FANCC: variants seen among roughly 807,000 people sequenced by gnomAD.
The protein encoded by FANCC is FA complementation group C.
In FANCC, 55 loss-of-function variants were observed where a neutral mutation model predicts 71.3. The ratio of observed to expected loss-of-function variants is 0.77; its 90% CI spans 0.62 to 0.97. The LOEUF (loss-of-function observed/expected upper bound fraction) is 0.97, where lower values mean the gene tolerates loss of function less well. Among genes scored for constraint, FANCC ranks in the 50% least tolerant of loss-of-function variants. The pLI is 0.00. For synonymous variants in FANCC, 275 were observed against 244.9 expected (o/e 1.12, Z -1.15); for missense variants, 678 against 670.9 (o/e 1.01, Z -0.12).
intron 1 of FANCC, chr9:95,292,665 A>G: frequency 1.5e-6 from 2 of 1,372,570 alleles, no homozygotes; most frequent in Non-Finnish European, 2.1e-6. Context: ...GAGCCACCGC[A>G]TGCAGTATAG....
intron 6 of FANCC, among the ~76,000 whole-genome samples, chr9:95,163,492 C>T (rs1207182085): frequency 2.0e-5 from 3 of 152,176 alleles, no homozygotes; most frequent in Non-Finnish European, 4.4e-5. Context: ...CCAAACGCCA[C>T]TGACATTTTG....
chr9:95,163,667 C>T (rs368644917), intron 6 of FANCC, among the ~76,000 whole-genome samples: 14 of 152,040 alleles, frequency 9.2e-5, no homozygotes, highest in African/African-American at 2.9e-4. Flanking sequence ...ATGACCAACA[C>T]GGAGAAAGCC....
intron 11 of FANCC, among the ~76,000 whole-genome samples, chr9:95,116,946 G>C: frequency 6.6e-6 from 1 of 152,224 alleles, no homozygotes; most frequent in East Asian, 1.9e-4. Context: ...AGAGTAGAAA[G>C]AATGAAAAGC....
At chr9:95,221,875 C>T (rs1829295684) in intron 4 of FANCC, among the ~76,000 whole-genome samples, 1 of 152,084 alleles carries the variant, frequency 6.6e-6, no homozygotes, top group African/African-American at 2.4e-5. Context: ...TGTTGGTGAA[C>T]ATGTACAGCT....
In FANCC at chr9:95,103,025, A is replaced by T. The variant is rs148857821; in HGVS notation, c.1534-1175T>A. Among the ~76,000 whole-genome samples, 4 of 152,262 alleles carry T rather than the reference A, an allele frequency of 2.6e-5. No individual in the cohort carries two copies. The East Asian group carries it at 7.7e-4, about 29-fold the overall frequency. On this transcript the variant is annotated intron_variant, in intron 14 of 14. Transcript: ENST00000289081. The stretch of plus-strand genomic sequence containing the variant: ...ATCACTTGGTTTTTACTCAGAAATG[A>T]CAGGCACATAGTGCTGATGGCCTTC...
chr9:95,162,476 T>A (rs1427176344), intron 6 of FANCC, among the ~76,000 whole-genome samples: 1 of 152,234 alleles, frequency 6.6e-6, no homozygotes, highest in Non-Finnish European at 1.5e-5. Flanking sequence ...TACACAAATA[T>A]GGGATTGCTG....
At chr9:95,242,989 T>C (rs1186659848) in intron 3 of FANCC, among the ~76,000 whole-genome samples, 1 of 152,076 alleles carries the variant, frequency 6.6e-6, no homozygotes, top group Non-Finnish European at 1.5e-5. Context: ...TAAAACTGAG[T>C]GGAAAGGAAA....
intron 6 of FANCC, among the ~76,000 whole-genome samples, chr9:95,165,032 CATTT>C (rs759167608): frequency 6.6e-6 from 1 of 150,934 alleles, no homozygotes; most frequent in South Asian, 2.1e-4. Context: ...TATTTTTAGA[CATTT>C]ATTTATTCTA....
At chr9:95,303,740 C>CT (rs1194457314) in intron 1 of FANCC, among the ~76,000 whole-genome samples, 1 of 152,150 alleles carries the variant, frequency 6.6e-6, no homozygotes, top group African/African-American at 2.4e-5. Flanking sequence ...GTATGACTTC[C>CT]TAAAGGCTCC....
intron 12 of FANCC, among the ~76,000 whole-genome samples, chr9:95,112,446 A>G (rs1209416846): frequency 6.6e-6 from 1 of 152,136 alleles, no homozygotes; most frequent in African/African-American, 2.4e-5. Flanking sequence ...CTCCCTGGAC[A>G]CTGCTGTCCT....
At chr9:95,163,503 A>G (rs956742147) in intron 6 of FANCC, among the ~76,000 whole-genome samples, 8 of 152,338 alleles carry the variant, frequency 5.3e-5, no homozygotes, top group Non-Finnish European at 7.3e-5. Context: ...TGACATTTTG[A>G]TAGAAATAAC....
At chr9:95,304,302 G>A (rs923003562) in intron 1 of FANCC, among the ~76,000 whole-genome samples, 1 of 152,184 alleles carries the variant, frequency 6.6e-6, no homozygotes, top group South Asian at 2.1e-4. Flanking sequence ...GAATGACAGT[G>A]AAGGAAAATT....
chr9:95,292,648 TG>T, intron 1 of FANCC: 3 of 1,395,190 alleles, frequency 2.2e-6, no homozygotes, highest in Non-Finnish European at 3.1e-6. Flanking sequence ...AACATGCACC[TG>T]GTCAAGAGCC....
At chr9:95,313,176 C>A (rs1469742992) in intron 1 of FANCC, among the ~76,000 whole-genome samples, 7 of 152,106 alleles carry the variant, frequency 4.6e-5, no homozygotes, top group South Asian at 2.1e-4. Flanking sequence ...GGTGCTGGGG[C>A]GGCACCCAAG....
intron 6 of FANCC, among the ~76,000 whole-genome samples, chr9:95,154,371 G>C (rs1434585088): frequency 1.3e-5 from 2 of 151,814 alleles, no homozygotes; most frequent in East Asian, 3.9e-4. Flanking sequence ...GAGAACAACT[G>C]GTAGCAACGT....
intron 10 of FANCC, among the ~76,000 whole-genome samples, chr9:95,117,785 G>A (rs1245774927): frequency 4.7e-5 from 7 of 147,786 alleles, no homozygotes; most frequent in Admixed American, 6.8e-5. Flanking sequence ...GTGCAATGGC[G>A]CGATCTCAGC....
intron 1 of FANCC, among the ~76,000 whole-genome samples, chr9:95,264,635 G>A (rs1832276323): frequency 6.6e-6 from 1 of 151,994 alleles, no homozygotes; most frequent in South Asian, 2.1e-4. Context: ...CTCAGCATGA[G>A]GTCCTTTCTC....
At chr9:95,315,426 G>C (rs1414621762) in intron 1 of FANCC, among the ~76,000 whole-genome samples, 2 of 152,172 alleles carry the variant, frequency 1.3e-5, no homozygotes, top group Admixed American at 1.3e-4. Flanking sequence ...GGCTCTCTCT[G>C]TTGCCCACGC....
intron 8 of FANCC, among the ~76,000 whole-genome samples, chr9:95,134,745 G>A (rs1827411678): frequency 6.6e-6 from 1 of 152,234 alleles, no homozygotes; most frequent in Admixed American, 6.5e-5. Flanking sequence ...GCCACTGAGA[G>A]CCCAGGGTGC....
Sources: allele counts gnomAD v4.1 joint callset (sites outside exome capture counted in the v4.1 genomes callset), GRCh38; gene constraint gnomAD v4.1.1; transcripts MANE v1.5; gene names NCBI Gene and HGNC (gene_info 2026-07-23, HGNC 2026-07-21).